SORCS1: variants seen among roughly 807,000 people sequenced by gnomAD.
SORCS1 encodes the protein VPS10 domain-containing receptor SorCS1.
Under a neutral mutation model 146.1 loss-of-function variants are expected in SORCS1, and 60 were observed. The ratio of observed to expected loss-of-function variants is 0.41; its 90% CI spans 0.33 to 0.51. The LOEUF (loss-of-function observed/expected upper bound fraction) is 0.51, where lower values mean the gene tolerates loss of function less well. SORCS1 is among the 20% of genes least tolerant of loss of function. The pLI is 0.21. For missense variants in SORCS1, 1,352 were observed against 1,487.6 expected (o/e 0.91, Z 1.50); for synonymous variants, 637 against 584.0 (o/e 1.09, Z -1.31).
intron 3 of SORCS1, among the ~76,000 whole-genome samples, chr10:106,804,783 C>A (rs1360959890): frequency 6.6e-6 from 1 of 151,936 alleles, no homozygotes; most frequent in African/African-American, 2.4e-5. Context: ...TACAGCAACC[C>A]CTGGTACAGA....
At chr10:107,127,323 C>T (rs559768217) in intron 1 of SORCS1, among the ~76,000 whole-genome samples, 6 of 152,082 alleles carry the variant, frequency 3.9e-5, no homozygotes, top group Non-Finnish European at 8.8e-5. Flanking sequence ...ACTTTCAGCA[C>T]CATAGTTGAA....
intron 18 of SORCS1, among the ~76,000 whole-genome samples, chr10:106,635,769 TTTG>T (rs1235735162): frequency 6.6e-6 from 1 of 152,162 alleles, no homozygotes; most frequent in African/African-American, 2.4e-5. Flanking sequence ...ACCAACTGAA[TTTG>T]TTGTTATTTT....
At position 106,797,086 on chromosome 10, in the gene SORCS1, G is replaced by A. The variant is rs148229792; in HGVS notation, c.727-20394C>T. ...CACGCCACTGCACTCCAGCATGGGC[G>A]ACAGAGCAAGACTCAGTCTCAAAAA... On this transcript the variant is annotated intron_variant, in intron 3 of 25. Transcript: ENST00000263054. Among the ~76,000 whole-genome samples the A allele has an allele frequency of 1.3e-3, 198 of 152,162 alleles. 2 individuals are homozygous for A. In the South Asian group the frequency reaches 0.026, roughly 20 times the overall value.
At chr10:106,775,514 A>G (rs986361538) in intron 4 of SORCS1, among the ~76,000 whole-genome samples, 1 of 152,240 alleles carries the variant, frequency 6.6e-6, no homozygotes, top group Non-Finnish European at 1.5e-5. Context: ...GACCTTGGGA[A>G]GTTGCTCATA....
chr10:106,774,771 G>A (rs999141426), intron 4 of SORCS1, among the ~76,000 whole-genome samples: 1 of 152,004 alleles, frequency 6.6e-6, no homozygotes, highest in Admixed American at 6.6e-5. Flanking sequence ...TAAACTATTG[G>A]TCAACTCATA....
intron 24 of SORCS1, among the ~76,000 whole-genome samples, chr10:106,586,773 T>C (rs1160268298): frequency 6.6e-6 from 1 of 152,140 alleles, no homozygotes; most frequent in Admixed American, 6.5e-5. Context: ...CTGGGCAACA[T>C]AGCAACACCC....
rs79122447 is a variant in SORCS1 at position 106,652,562 on chromosome 10, A to G, written c.2304-9T>C. ...AAACCACCTTCCTGTACCTAAATGG[A>G]AAAAAGCTCAAGTCGTAAACCAGCT... On this transcript the variant is annotated splice_polypyrimidine_tract_variant and intron_variant, in intron 17 of 25. Transcript: ENST00000263054. 2,463 of 1,609,504 alleles carry G rather than the reference A, an allele frequency of 1.5e-3. 33 individuals carry two copies. In the African/African-American group the frequency reaches 0.024, roughly 16 times the overall value.
At chr10:106,956,272 T>C (rs903445411) in intron 2 of SORCS1, among the ~76,000 whole-genome samples, 3 of 152,178 alleles carry the variant, frequency 2.0e-5, no homozygotes, top group African/African-American at 7.2e-5. Context: ...AAACACAACC[T>C]ATCATACAGG....
chr10:106,831,624 A>G (rs1948549324), intron 2 of SORCS1, among the ~76,000 whole-genome samples: 1 of 151,246 alleles, frequency 6.6e-6, no homozygotes, highest in African/African-American at 2.5e-5. Flanking sequence ...CCATCCATTC[A>G]GTATACACAG....
chr10:107,106,750 A>G (rs1023765818), intron 1 of SORCS1, among the ~76,000 whole-genome samples: 16 of 152,112 alleles, frequency 1.1e-4, no homozygotes, highest in African/African-American at 3.9e-4. Context: ...TAAACCTTAT[A>G]CCTGGCATGA....
intron 1 of SORCS1, among the ~76,000 whole-genome samples, chr10:106,995,203 A>C (rs998360974): frequency 3.3e-5 from 5 of 151,696 alleles, no homozygotes; most frequent in African/African-American, 9.7e-5. Flanking sequence ...AGTCCCAGCT[A>C]CTCGGGAGGC....
intron 1 of SORCS1, among the ~76,000 whole-genome samples, chr10:107,062,726 T>C (rs1201631292): frequency 1.3e-5 from 2 of 152,182 alleles, no homozygotes; most frequent in Non-Finnish European, 1.5e-5. Context: ...GACATGCCTC[T>C]ATTACCTCCT....
intron 2 of SORCS1, among the ~76,000 whole-genome samples, chr10:106,894,355 G>C (rs919566738): frequency 2.6e-5 from 4 of 151,260 alleles, no homozygotes; most frequent in Non-Finnish European, 5.9e-5. Flanking sequence ...GGAAAAGGTT[G>C]CTGTTACATG....
intron 1 of SORCS1, among the ~76,000 whole-genome samples, chr10:107,162,990 C>G (rs1469141770): frequency 1.3e-5 from 2 of 152,212 alleles, no homozygotes; most frequent in African/African-American, 2.4e-5. Context: ...ACAATCAAAG[C>G]TGGTTCTCTA....
chr10:106,838,720 AT>A (rs1440166528), intron 2 of SORCS1, among the ~76,000 whole-genome samples: 1 of 152,120 alleles, frequency 6.6e-6, no homozygotes, highest in Non-Finnish European at 1.5e-5. Flanking sequence ...CAAACATTAC[AT>A]TTTTTACAAA....
intron 3 of SORCS1, among the ~76,000 whole-genome samples, chr10:106,780,393 G>A (rs1257257414): frequency 1.3e-5 from 2 of 152,100 alleles, no homozygotes; most frequent in Non-Finnish European, 2.9e-5. Flanking sequence ...TCTGTATTCT[G>A]GAGCATGTTC....
intron 21 of SORCS1, among the ~76,000 whole-genome samples, chr10:106,617,642 T>C (rs977043945): frequency 3.3e-5 from 5 of 152,234 alleles, no homozygotes; most frequent in African/African-American, 1.2e-4. Context: ...ATCCCGTCTA[T>C]GGCTATGTAC....
intron 1 of SORCS1, among the ~76,000 whole-genome samples, chr10:107,151,022 A>C (rs984662326): frequency 6.6e-6 from 1 of 152,252 alleles, no homozygotes; most frequent in Non-Finnish European, 1.5e-5. Flanking sequence ...AAAGATACCC[A>C]AAAATGTGGA....
intron 1 of SORCS1, among the ~76,000 whole-genome samples, chr10:107,147,458 C>T (rs1332310243): frequency 1.3e-5 from 2 of 152,124 alleles, no homozygotes; most frequent in African/African-American, 2.4e-5. Flanking sequence ...CTGTTGCCTC[C>T]AATGCATCTG....
Sources: allele counts gnomAD v4.1 joint callset (sites outside exome capture counted in the v4.1 genomes callset), GRCh38; gene constraint gnomAD v4.1.1; transcripts MANE v1.5; gene names NCBI Gene and HGNC (gene_info 2026-07-23, HGNC 2026-07-21).